Variants in ALDH18A1 observed in about 807,000 individuals in gnomAD.
ALDH18A1 encodes the protein aldehyde dehydrogenase 18 family member A1, also known as delta-1-pyrroline-5-carboxylate synthase.
ALDH18A1 carries 44 observed loss-of-function variants against 88.8 expected under a neutral mutation model. That is an observed-to-expected ratio of 0.50 (90% CI 0.39 to 0.64). The LOEUF (loss-of-function observed/expected upper bound fraction) is 0.64, where lower values mean the gene tolerates loss of function less well. ALDH18A1 is among the 30% of genes least tolerant of loss of function. The pLI is 0.00. For missense variants in ALDH18A1, 782 were observed against 1,009.5 expected, an observed-to-expected ratio of 0.77 and a Z score of 3.05; for synonymous variants, 331 against 372.1, an observed-to-expected ratio of 0.89 and a Z score of 1.27.
chr10:95,628,506 A>G lies in ALDH18A1; in HGVS notation c.809-14T>C. ...TGTCAAAAAGGCCTAAAAAATAGAC[A>G]AGAGTCAGTAATACTGCTTTGATGG... is the stretch of plus-strand genomic sequence containing the variant. On this transcript the variant is annotated splice_polypyrimidine_tract_variant and intron_variant, in intron 7 of 17. Transcript: ENST00000371224. 6.2e-7 allele frequency: 1 copy of G among 1,611,550 alleles called. No individual in the cohort carries two copies. The highest frequency in any genetic ancestry group is 8.5e-7 in the Non-Finnish European group (1 of 1,179,848).
intron 2 of ALDH18A1, among the ~76,000 whole-genome samples, chr10:95,645,346 T>C (rs1233488805): frequency 6.6e-6 from 1 of 152,234 alleles, no homozygotes; most frequent in East Asian, 1.9e-4. Context: ...TATAACTTTA[T>C]TAGAGAGTTA....
intron 11 of ALDH18A1, among the ~76,000 whole-genome samples, chr10:95,622,494 G>C (rs183994815): frequency 2.9e-4 from 44 of 151,178 alleles, no homozygotes; most frequent in African/African-American, 9.5e-4. Context: ...GAGCGACCAT[G>C]CTTGGCTGAA....
intron 3 of ALDH18A1, among the ~76,000 whole-genome samples, chr10:95,642,130 A>G (rs2097892930): frequency 6.6e-6 from 1 of 152,218 alleles, no homozygotes; most frequent in Non-Finnish European, 1.5e-5. Flanking sequence ...CTGCCATGGA[A>G]TAGCTCTTGC....
At chr10:95,646,888 GA>G (rs1566043805) in intron 2 of ALDH18A1, among the ~76,000 whole-genome samples, 1 of 152,088 alleles carries the variant, frequency 6.6e-6, no homozygotes, top group Non-Finnish European at 1.5e-5. Flanking sequence ...TCTGACAGAG[GA>G]GAACCCTTTA....
chr10:95,630,645 A>G (rs753564827), intron 7 of ALDH18A1, among the ~76,000 whole-genome samples: 3 of 152,008 alleles, frequency 2.0e-5, no homozygotes, highest in Admixed American at 2.0e-4. Flanking sequence ...CAGGAGGCGG[A>G]GGTTGCAGTG....
At chr10:95,622,601 A>C (rs1402694421) in intron 11 of ALDH18A1, among the ~76,000 whole-genome samples, 1 of 152,248 alleles carries the variant, frequency 6.6e-6, no homozygotes, top group East Asian at 1.9e-4. Flanking sequence ...GCAGTGGCGC[A>C]ATCTCGGCTC....
At chr10:95,611,111 T>C (rs2097833356) in intron 16 of ALDH18A1, 145 bp downstream of exon 16, 1 of 935,118 alleles carries the variant, frequency 1.1e-6, no homozygotes, top group Non-Finnish European at 1.7e-6. Flanking sequence ...AAAGCACTCA[T>C]CAAAGTACCA....
chr10:95,644,401 A>G (rs1364935611), intron 2 of ALDH18A1, among the ~76,000 whole-genome samples: 1 of 152,236 alleles, frequency 6.6e-6, no homozygotes. Flanking sequence ...ACTGTACAAG[A>G]TTACAGATAA....
rs869056809 is a variant in ALDH18A1, at chr10:95,633,812, CTTTT to C, written c.559-167_559-164del. ...ACACATATCTGGGTGCTATCCAATT[CTTTT>C]TTTTTTTTTTTTTTTTTTGAGACAG... On this transcript the variant is annotated intron_variant, in intron 5 of 17. Transcript: ENST00000371224. Among the ~76,000 whole-genome samples, 14 of 103,274 alleles carry C rather than the reference CTTTT, an allele frequency of 1.4e-4. No individual in the cohort carries two copies. The South Asian group carries it at 4.8e-3, about 36-fold the overall frequency. 67.8% of individuals were successfully genotyped at this position (103,274 alleles called of 152,430 possible).
rs2097822333 is a variant in ALDH18A1 at position 95,606,209 on chromosome 10, T to C, written c.*553A>G. 1 of 984,376 alleles carries C rather than the reference T, an allele frequency of 1.0e-6. No homozygotes were observed. The highest frequency in any genetic ancestry group is 5.4e-5 in the Admixed American group (1 of 18,386). The allele number at this position is 984,376 out of a possible 1,614,324, so 61.0% of individuals were successfully genotyped here. On this transcript the variant is annotated 3_prime_UTR_variant, in exon 18 of 18. Transcript: ENST00000371224. ...TGCAAGCATCTGGAATGCTTATTAA[T>C]TTACCCCACAAATAAATACAAAAGG... is the stretch of plus-strand genomic sequence containing the variant.
At chr10:95,637,745 C>T (rs1043109498) in intron 3 of ALDH18A1, among the ~76,000 whole-genome samples, 1 of 152,212 alleles carries the variant, frequency 6.6e-6, no homozygotes, top group East Asian at 1.9e-4. Context: ...AAGGCAGGCA[C>T]AATGCCTGAG....
At chr10:95,628,241 A>G (rs2097863132) in intron 8 of ALDH18A1, 127 bp downstream of exon 8, 1 of 1,312,710 alleles carries the variant, frequency 7.6e-7, no homozygotes, top group Admixed American at 1.7e-5. Context: ...TTAGGTATGT[A>G]CATATTTAAG....
intron 1 of ALDH18A1, among the ~76,000 whole-genome samples, chr10:95,653,900 A>G (rs867659719): frequency 2.6e-5 from 4 of 152,204 alleles, no homozygotes; most frequent in African/African-American, 9.7e-5. Context: ...GGCTGCTGCC[A>G]TGTCTTTCTT....
intron 1 of ALDH18A1, among the ~76,000 whole-genome samples, chr10:95,655,630 G>C (rs1439037744): frequency 1.3e-5 from 2 of 151,622 alleles, no homozygotes; most frequent in African/African-American, 2.4e-5. Flanking sequence ...TGACCAGGCA[G>C]AGTGTATTAC....
Position 95,606,556 on chromosome 10 carries a change from C to T in ALDH18A1, c.*206G>A, listed in dbSNP as rs2097823023. 6.9e-7 allele frequency: 1 copy of T among 1,454,486 alleles called. No homozygotes were observed. Among genetic ancestry groups the T allele is most frequent in the South Asian group, 1.4e-5 (1 of 69,948 alleles). The allele number at this position is 1,454,486 out of a possible 1,614,324, so 90.1% of individuals were successfully genotyped here. ...CCTATCGGTAGCAACTATTTTCTTA[C>T]TTTAAAAAAAAAGGGTGAGCTGGGA... On this transcript the variant is annotated 3_prime_UTR_variant, in exon 18 of 18. Transcript: ENST00000371224.
At position 95,621,071 on chromosome 10, in the gene ALDH18A1, A is replaced by G; in HGVS notation, c.1427T>C (p.Leu476Pro). ...AGGACGAGATTCAAAGATCACCAGC[A>G]GAACTCCAATTGGGACAGTCACTTG... ...LEQVTVPIGVLLVIFESRPDC... is the reference protein window; with the variant it reads ...LEQVTVPIGVPLVIFESRPDC... The change falls in exon 12 of 18, where the codon CTG (leucine) becomes CCG (proline). Residue 476 changes from leucine (L) to proline (P), a missense_variant. Leu to Pro is a moderately conservative substitution (Grantham distance 98, BLOSUM62 -3). Around this residue, in one of 3 missense-constraint regions of ALDH18A1, gnomAD observed 556 missense variants for 654.5 expected, o/e 0.85. Transcript: ENST00000371224. 6.2e-7 allele frequency: 1 copy of G among 1,614,198 alleles called. No individual in the cohort carries two copies.
chr10:95,653,255 G>A (rs753283678), intron 2 of ALDH18A1, 35 bp downstream of exon 2: 10 of 1,520,358 alleles, frequency 6.6e-6, no homozygotes, highest in East Asian at 4.5e-5. Flanking sequence ...ACTATCAAAC[G>A]TCCCACATAC....
intron 10 of ALDH18A1, 43 bp from the exon 11 acceptor site, chr10:95,625,498 CAAG>C: frequency 6.5e-7 from 1 of 1,530,214 alleles, no homozygotes. Flanking sequence ...GATGTTAATC[CAAG>C]AAGAATGCAC....
chr10:95,619,113 T>C (rs1273043231), intron 12 of ALDH18A1, among the ~76,000 whole-genome samples: 1 of 152,188 alleles, frequency 6.6e-6, no homozygotes, highest in Non-Finnish European at 1.5e-5. Flanking sequence ...ACAAAATCAA[T>C]GTGCAAAAAT....
Sources: allele counts gnomAD v4.1 joint callset (sites outside exome capture counted in the v4.1 genomes callset), GRCh38; gene constraint gnomAD v4.1.1; regional missense constraint gnomAD v4.1.1; transcripts MANE v1.5; gene names NCBI Gene and HGNC (gene_info 2026-07-23, HGNC 2026-07-21).